Variants in DDAH1 observed in about 807,000 individuals in gnomAD.
The protein encoded by DDAH1 is N(G),N(G)-dimethylarginine dimethylaminohydrolase 1.
DDAH1 carries 19 observed loss-of-function variants against 28.8 expected under a neutral mutation model. That is an observed-to-expected ratio of 0.66 (90% CI 0.46 to 0.97). The LOEUF is 0.97. Among genes scored for constraint, DDAH1 ranks in the 50% least tolerant of loss-of-function variants. The probability of loss-of-function intolerance (pLI) is 0.00; values close to 1 mark genes in which losing one functional copy is unlikely to be tolerated. For missense variants in DDAH1, 326 were observed against 375.9 expected (o/e 0.87, Z 1.10); for synonymous variants, 153 against 154.4 (o/e 0.99, Z 0.07).
intron 1 of DDAH1, among the ~76,000 whole-genome samples, chr1:85,548,084 T>C (rs1005076789): frequency 3.9e-5 from 6 of 152,348 alleles, no homozygotes; most frequent in Non-Finnish European, 5.9e-5. Flanking sequence ...CTTACACTTA[T>C]ATGCAATACC....
chr1:85,361,204 C>T (rs1028240447), intron 1 of DDAH1, among the ~76,000 whole-genome samples: 1 of 152,196 alleles, frequency 6.6e-6, no homozygotes, highest in Non-Finnish European at 1.5e-5. Flanking sequence ...AACTCAGCTG[C>T]AAACAGGCCT....
At chr1:85,356,748 A>G (rs533374130) in intron 2 of DDAH1, among the ~76,000 whole-genome samples, 1 of 152,348 alleles carries the variant, frequency 6.6e-6, no homozygotes, top group South Asian at 2.1e-4. Flanking sequence ...AGGTAGTATC[A>G]AAGGCAAGCC....
At chr1:85,514,285 C>G (rs1018081379) in intron 1 of DDAH1, among the ~76,000 whole-genome samples, 2 of 152,104 alleles carry the variant, frequency 1.3e-5, no homozygotes, top group African/African-American at 4.8e-5. Flanking sequence ...ATCACAAGGA[C>G]AGAAAACCAG....
At chr1:85,355,576 T>TAAAG (rs1649447742) in intron 2 of DDAH1, among the ~76,000 whole-genome samples, 1 of 152,174 alleles carries the variant, frequency 6.6e-6, no homozygotes, top group Non-Finnish European at 1.5e-5. Flanking sequence ...ATCAACAGAT[T>TAAAG]AAAGAAAATC....
rs561447506 is a variant in DDAH1 at position 85,548,954 on chromosome 1, A to C, written c.-123+29030T>G. 4.1e-4 allele frequency among the ~76,000 whole-genome samples: 63 copies of C among 152,314 alleles called. No homozygotes were observed. The South Asian group carries it at 0.013, about 31-fold the overall frequency. ...ATTTTGCAGAGCCTGGGGTACCCTGAAAATATCTGGGCATCGAACTCCTGT... is the reference window on the plus strand; with the variant it reads ...ATTTTGCAGAGCCTGGGGTACCCTGCAAATATCTGGGCATCGAACTCCTGT... On this transcript the variant is annotated intron_variant, in intron 1 of 6. Transcript: ENST00000426972.
chr1:85,473,445 TTACTC>T (rs999259981), intron 2 of DDAH1, among the ~76,000 whole-genome samples: 9 of 152,250 alleles, frequency 5.9e-5, no homozygotes, highest in East Asian at 1.9e-4. Flanking sequence ...AAGAAAAACA[TTACTC>T]TACATTTAAA....
At chr1:85,502,134 C>T (rs952759152) in intron 1 of DDAH1, among the ~76,000 whole-genome samples, 4 of 152,202 alleles carry the variant, frequency 2.6e-5, no homozygotes, top group Admixed American at 2.6e-4. Context: ...CAGCACTTTG[C>T]ACTTTCTGCC....
At chr1:85,409,254 G>A (rs1332518965) in intron 1 of DDAH1, among the ~76,000 whole-genome samples, 1 of 152,108 alleles carries the variant, frequency 6.6e-6, no homozygotes, top group African/African-American at 2.4e-5. Context: ...CCCTGGTCCA[G>A]ACTTTCCACA....
intron 2 of DDAH1, among the ~76,000 whole-genome samples, chr1:85,481,528 C>A (rs1380748511): frequency 5.3e-5 from 8 of 152,168 alleles, no homozygotes. Flanking sequence ...TGAATGATAT[C>A]ACTTAATATT....
chr1:85,555,334 C>G (rs1437014995), intron 1 of DDAH1, among the ~76,000 whole-genome samples: 1 of 152,198 alleles, frequency 6.6e-6, no homozygotes, highest in East Asian at 1.9e-4. Context: ...CGTCTGTCAG[C>G]CAAGTGTCAA....
At chr1:85,417,773 T>C (rs1006989) in intron 1 of DDAH1, among the ~76,000 whole-genome samples, 120,501 of 152,130 alleles carry the variant, frequency 0.79, 47,933 homozygotes, top group Middle Eastern at 0.88. Flanking sequence ...ATAAAAGCCA[T>C]TTCTCTCATG....
At chr1:85,522,831 A>C (rs1221110097) in intron 1 of DDAH1, among the ~76,000 whole-genome samples, 3 of 152,022 alleles carry the variant, frequency 2.0e-5, no homozygotes, top group South Asian at 2.1e-4. Context: ...ACAGTCCCTG[A>C]AGTTGGTTTA....
intron 1 of DDAH1, among the ~76,000 whole-genome samples, chr1:85,440,958 A>C (rs1463575196): frequency 6.6e-6 from 1 of 152,248 alleles, no homozygotes; most frequent in Non-Finnish European, 1.5e-5. Flanking sequence ...CAAAACTCAC[A>C]AATTCACAAG....
chr1:85,480,170 C>T (rs1655960227), intron 2 of DDAH1, among the ~76,000 whole-genome samples: 1 of 152,132 alleles, frequency 6.6e-6, no homozygotes, highest in Non-Finnish European at 1.5e-5. Context: ...CTTCTATGTG[C>T]CCCTGCTCCA....
At chr1:85,378,286 C>A (rs1327297946) in intron 1 of DDAH1, among the ~76,000 whole-genome samples, 1 of 152,160 alleles carries the variant, frequency 6.6e-6, no homozygotes, top group African/African-American at 2.4e-5. Flanking sequence ...ATGTGCTTAG[C>A]ATGTCTTCAT....
intron 2 of DDAH1, chr1:85,493,379 T>G (rs551413238): frequency 2.0e-5 from 3 of 152,044 alleles, no homozygotes; most frequent in South Asian, 4.1e-4. Flanking sequence ...GCTTAAAAAA[T>G]TTTTCAAAAG....
At chr1:85,522,364 G>A (rs1299599744) in intron 1 of DDAH1, among the ~76,000 whole-genome samples, 1 of 98,236 alleles carries the variant, frequency 1.0e-5, no homozygotes, top group Non-Finnish European at 2.1e-5. Context: ...CACACACTCA[G>A]TACATTTATT....
chr1:85,495,664 C>A (rs1656560638), intron 2 of DDAH1: 1 of 152,212 alleles, frequency 6.6e-6, no homozygotes, highest in Admixed American at 6.5e-5. Context: ...CCATATCATT[C>A]ATTAAGGTCT....
intron 2 of DDAH1, among the ~76,000 whole-genome samples, chr1:85,352,204 C>T (rs760765322): frequency 9.9e-5 from 15 of 152,106 alleles, no homozygotes; most frequent in Non-Finnish European, 1.8e-4. Flanking sequence ...TTTCCTCCCA[C>T]ATCCCAGAGC....
Sources: gnomAD v4.1 joint callset for allele counts (sites outside exome capture counted in the v4.1 genomes callset) on GRCh38, gnomAD v4.1.1 for gene constraint, MANE v1.5 for transcripts, NCBI Gene and HGNC (gene_info 2026-07-23, HGNC 2026-07-21) for gene names.